Variants in TSHZ2 observed in about 807,000 individuals in gnomAD.
TSHZ2 encodes the protein teashirt zinc finger homeobox 2, also known as teashirt homolog 2.
A neutral mutation model predicts 74.4 loss-of-function variants in TSHZ2; 21 were observed. The observed-to-expected ratio is 0.28, with a 90% confidence interval of 0.20 to 0.41. TSHZ2 has a LOEUF of 0.41. Among genes scored for constraint, TSHZ2 ranks in the 10% least tolerant of loss-of-function variants. The pLI is 1.00. For missense variants in TSHZ2, 1,244 were observed against 1,293.5 expected, an observed-to-expected ratio of 0.96 and a Z score of 0.59; for synonymous variants, 540 against 515.3, an observed-to-expected ratio of 1.05 and a Z score of -0.65.
At chr20:53,428,718 G>A (rs1362867562) in intron 2 of TSHZ2, among the ~76,000 whole-genome samples, 1 of 152,134 alleles carries the variant, frequency 6.6e-6, no homozygotes, top group African/African-American at 2.4e-5. Flanking sequence ...TTCCTAATTT[G>A]CTGACTTTCC....
intron 2 of TSHZ2, among the ~76,000 whole-genome samples, chr20:53,317,514 C>T (rs772489983): frequency 1.3e-5 from 2 of 152,260 alleles, no homozygotes; most frequent in Non-Finnish European, 1.5e-5. Flanking sequence ...TCCTCTCCCC[C>T]ACCCCAGAAG....
In TSHZ2 at chr20:53,345,867, C is replaced by T. The variant is rs1221881333; in HGVS notation, c.*8+89296C>T. 2.6e-5 allele frequency among the ~76,000 whole-genome samples: 4 copies of T among 152,050 alleles called. No homozygotes were observed. The East Asian group carries it at 7.7e-4, about 29-fold the overall frequency. On this transcript the variant is annotated intron_variant, in intron 2 of 2. Transcript: ENST00000371497. Reference sequence around the variant, plus strand: ...TCAGGGAGTTCATTAAAAACCACCACCCTCCCCGCTGACCACGAGGCACCG... The same window carrying T: ...TCAGGGAGTTCATTAAAAACCACCATCCTCCCCGCTGACCACGAGGCACCG...
chr20:53,035,075 G>T (rs143070434), intron 1 of TSHZ2, among the ~76,000 whole-genome samples: 15 of 152,304 alleles, frequency 9.8e-5, no homozygotes, highest in South Asian at 4.1e-4. Context: ...GACTTAGGAC[G>T]TGGTTTGCAG....
chr20:53,475,771 TAAAGAA>T (rs1246729774), intron 2 of TSHZ2, among the ~76,000 whole-genome samples: 2 of 139,692 alleles, frequency 1.4e-5, no homozygotes, highest in African/African-American at 5.6e-5. Flanking sequence ...GCAAGACTAA[TAAAGAA>T]GAAAAGAGAG....
intron 1 of TSHZ2, among the ~76,000 whole-genome samples, chr20:53,229,887 GA>G (rs1989780125): frequency 1.0e-5 from 1 of 98,546 alleles, no homozygotes; most frequent in South Asian, 3.0e-4. Context: ...AGAAAGGAAG[GA>G]AAAGAGAGAG....
At chr20:53,055,294 C>T (rs1405894299) in intron 1 of TSHZ2, among the ~76,000 whole-genome samples, 7 of 152,288 alleles carry the variant, frequency 4.6e-5, no homozygotes, top group African/African-American at 1.7e-4. Context: ...TTCCCTCAAG[C>T]TTAGCTCTTG....
chr20:53,288,738 C>A (rs1279880409), intron 2 of TSHZ2, among the ~76,000 whole-genome samples: 2 of 152,004 alleles, frequency 1.3e-5, no homozygotes, highest in South Asian at 4.2e-4. Context: ...ATGCCTGATG[C>A]TAATAAGTGC....
intron 2 of TSHZ2, among the ~76,000 whole-genome samples, chr20:53,372,184 T>G (rs1233288754): frequency 6.6e-6 from 1 of 152,106 alleles, no homozygotes; most frequent in Non-Finnish European, 1.5e-5. Context: ...CTTCAGTCAG[T>G]ACTCAGTTCA....
chr20:53,067,121 G>A (rs574615736), intron 1 of TSHZ2, among the ~76,000 whole-genome samples: 3 of 152,306 alleles, frequency 2.0e-5, no homozygotes, highest in South Asian at 2.1e-4. Flanking sequence ...GCTTTGGTCC[G>A]TTTATGACAA....
chr20:53,136,536 C>T (rs551472752), intron 1 of TSHZ2, among the ~76,000 whole-genome samples: 1 of 152,128 alleles, frequency 6.6e-6, no homozygotes, highest in Non-Finnish European at 1.5e-5. Context: ...CTCTTAAAGC[C>T]CACTTCAGTA....
At chr20:53,136,931 G>A (rs575694392) in intron 1 of TSHZ2, among the ~76,000 whole-genome samples, 4 of 151,876 alleles carry the variant, frequency 2.6e-5, no homozygotes, top group Admixed American at 6.6e-5. Context: ...AAGATATTCC[G>A]ATCTTACATA....
chr20:53,221,220 GC>G (rs148469443), intron 1 of TSHZ2, among the ~76,000 whole-genome samples: 52,375 of 151,714 alleles, frequency 0.35, 10,364 homozygotes, highest in Non-Finnish European at 0.46. Context: ...TGATTGTGAG[GC>G]CCCCCCCGCC....
intron 2 of TSHZ2, among the ~76,000 whole-genome samples, chr20:53,479,246 AC>A (rs1986082597): frequency 6.6e-6 from 1 of 152,096 alleles, no homozygotes; most frequent in African/African-American, 2.4e-5. Context: ...TCGAGCATGT[AC>A]AAAAATTGCC....
intron 1 of TSHZ2, among the ~76,000 whole-genome samples, chr20:53,197,630 A>T (rs1330352333): frequency 6.6e-6 from 1 of 152,190 alleles, no homozygotes; most frequent in African/African-American, 2.4e-5. Context: ...TACATTCCCC[A>T]TTAGAAAACA....
At chr20:52,991,553 TAGTG>T (rs796238269) in intron 1 of TSHZ2, among the ~76,000 whole-genome samples, 4 of 143,314 alleles carry the variant, frequency 2.8e-5, no homozygotes, top group African/African-American at 1.1e-4. Context: ...TTGTGGGTAT[TAGTG>T]TGTGTTGTGG....
At chr20:53,194,327 C>T (rs1988807784) in intron 1 of TSHZ2, among the ~76,000 whole-genome samples, 1 of 152,184 alleles carries the variant, frequency 6.6e-6, no homozygotes, top group East Asian at 1.9e-4. Flanking sequence ...GTAGGATCTC[C>T]CAGCTGAGGT....
intron 1 of TSHZ2, among the ~76,000 whole-genome samples, chr20:53,061,321 G>C (rs528826578): frequency 5.9e-5 from 9 of 152,302 alleles, no homozygotes; most frequent in African/African-American, 2.2e-4. Flanking sequence ...GCGTCAGAGA[G>C]AGTCCATTGT....
intron 2 of TSHZ2, among the ~76,000 whole-genome samples, chr20:53,423,414 A>T (rs549998390): frequency 6.6e-6 from 1 of 152,140 alleles, no homozygotes; most frequent in South Asian, 2.1e-4. Context: ...AAAGGCTATG[A>T]TATTTGAACC....
At chr20:53,167,207 C>T (rs1399955599) in intron 1 of TSHZ2, among the ~76,000 whole-genome samples, 1 of 152,224 alleles carries the variant, frequency 6.6e-6, no homozygotes, top group Non-Finnish European at 1.5e-5. Flanking sequence ...CCAGCAGAGG[C>T]CAAGTCACAT....
Sources: allele counts gnomAD v4.1 joint callset (sites outside exome capture counted in the v4.1 genomes callset), GRCh38; gene constraint gnomAD v4.1.1; transcripts MANE v1.5; gene names NCBI Gene and HGNC (gene_info 2026-07-23, HGNC 2026-07-21).